The following UGT1A7 variants were observed in gnomAD, a reference collection of about 807,000 sequenced individuals.
UGT1A7 encodes the protein UDP-glucuronosyltransferase 1A7.
Under a neutral mutation model 45.6 loss-of-function variants are expected in UGT1A7, and 33 were observed. The ratio of observed to expected loss-of-function variants is 0.72; its 90% confidence interval spans 0.55 to 0.97. The LOEUF is 0.97. Among genes scored for constraint, UGT1A7 ranks in the 50% least tolerant of loss-of-function variants. The pLI is 0.00. For missense variants in UGT1A7, 684 were observed against 666.2 expected, an observed-to-expected ratio of 1.03 and a Z score of -0.29; for synonymous variants, 274 against 250.6, an observed-to-expected ratio of 1.09 and a Z score of -0.88.
chr2:233,745,155 C>G (rs1330223752), intron 1 of UGT1A7, among the ~76,000 whole-genome samples: 5 of 151,764 alleles, frequency 3.3e-5, no homozygotes, highest in Admixed American at 6.6e-5. Flanking sequence ...TATGGAGGGT[C>G]AAATGTGCAT....
chr2:233,705,347 A>G (rs1229673508), intron 1 of UGT1A7, among the ~76,000 whole-genome samples: 4 of 152,194 alleles, frequency 2.6e-5, no homozygotes, highest in African/African-American at 9.6e-5. Flanking sequence ...TTTTTGTCTT[A>G]TTACATGGGG....
In UGT1A7 at chr2:233,682,216, T is replaced by TG. The variant is rs1186341216; in HGVS notation, c.280dup (p.Ala94GlyfsTer25). 1.2e-6 allele frequency: 2 copies of TG among 1,614,148 alleles called. No homozygotes were observed. Among genetic ancestry groups the TG allele is most frequent in the African/African-American group, 2.7e-5 (2 of 74,958 alleles). ...ATCAGGACCGGGAGTTCATGGTTTT[T>TG]GCCGATGCTCGCTGGACGGCACCAT... On this transcript the variant is annotated frameshift_variant, in exon 1 of 5. Transcript: ENST00000373426. LOFTEE classifies it high-confidence loss of function.
intron 1 of UGT1A7, among the ~76,000 whole-genome samples, chr2:233,762,832 A>C (rs1698176538): frequency 6.6e-6 from 1 of 152,202 alleles, no homozygotes; most frequent in Admixed American, 6.5e-5. Flanking sequence ...CATAATAAAA[A>C]ATAATAGGCA....
chr2:233,734,419 T>C (rs2078523493), intron 1 of UGT1A7, among the ~76,000 whole-genome samples: 1 of 152,186 alleles, frequency 6.6e-6, no homozygotes, highest in African/African-American at 2.4e-5. Flanking sequence ...CTCTCTTTTC[T>C]TCTTTATTAG....
chr2:233,725,068 TCGCAGGCAC>T (rs1237971327), intron 1 of UGT1A7, among the ~76,000 whole-genome samples: 1 of 146,188 alleles, frequency 6.8e-6, no homozygotes, highest in South Asian at 2.4e-4. Context: ...GCGCCTGCAA[TCGCAGGCAC>T]TCGGCAGGCT....
intron 3 of UGT1A7, 134 bp from the exon 4 acceptor site, chr2:233,768,086 A>C (rs1699559906): frequency 6.3e-7 from 1 of 1,591,310 alleles, no homozygotes; most frequent in Non-Finnish European, 8.6e-7. Context: ...ATCTCAACCC[A>C]CATTTTCTTC....
chr2:233,681,963 T>C lies in UGT1A7; in HGVS notation c.26T>C (p.Leu9Pro). 1 of 1,614,084 alleles carries C rather than the reference T, an allele frequency of 6.2e-7. No homozygotes were observed. Among genetic ancestry groups the C allele is most frequent in the South Asian group, 1.1e-5 (1 of 91,072 alleles). The change falls in exon 1 of 5, where the codon CTC becomes CCC. Residue 9 changes from leucine (L) to proline (P), a missense_variant. Physicochemically the swap from Leu to Pro is moderately conservative, Grantham distance 98. Transcript: ENST00000373426. ...ATGGCTCGTGCAGGGTGGACTGGCCTCCTTCCCCTATATGTGTGTCTACTG... is the reference window on the plus strand; with the variant it reads ...ATGGCTCGTGCAGGGTGGACTGGCCCCCTTCCCCTATATGTGTGTCTACTG... Reference protein sequence around the residue: MARAGWTGLLPLYVCLLLT... With the variant: MARAGWTGPLPLYVCLLLT...
chr2:233,747,974 G>T lies in UGT1A7; in HGVS notation c.856-19060G>T, dbSNP rs1693825544. On this transcript the variant is annotated intron_variant, in intron 1 of 4. Coordinates refer to ENST00000373426, the MANE Select transcript of UGT1A7 (RefSeq NM_019077.3). ...TGGATCTTCTCAGCCATGCATCTGT[G>T]TGGCTGTTCCGAGGGGACTTTGTGA... 4 of 1,613,452 alleles carry T rather than the reference G, an allele frequency of 2.5e-6. No homozygotes were observed. The South Asian group carries it at 4.4e-5, about 18-fold the overall frequency.
At chr2:233,766,402 C>T (rs1334615620) in intron 1 of UGT1A7, among the ~76,000 whole-genome samples, 1 of 152,212 alleles carries the variant, frequency 6.6e-6, no homozygotes, top group African/African-American at 2.4e-5. Context: ...TTGCGTCCCT[C>T]CGCTGATGTG....
chr2:233,721,761 G>A, intron 1 of UGT1A7: 1 of 472,552 alleles, frequency 2.1e-6, no homozygotes. Flanking sequence ...CATCTAAATT[G>A]TTATATTTAG....
At chr2:233,748,084 G>T in intron 1 of UGT1A7, 7 of 1,613,070 alleles carry the variant, frequency 4.3e-6, no homozygotes, top group Non-Finnish European at 5.9e-6. Flanking sequence ...TCTCAGGTCG[G>T]TGTTCGTGCC....
intron 1 of UGT1A7, among the ~76,000 whole-genome samples, chr2:233,700,098 G>A (rs1027814620): frequency 1.3e-5 from 2 of 152,182 alleles, no homozygotes; most frequent in African/African-American, 4.8e-5. Context: ...TGGAGGTGTG[G>A]AGGGCAGCAA....
intron 1 of UGT1A7, among the ~76,000 whole-genome samples, chr2:233,744,706 AC>A (rs1231946729): frequency 1.3e-5 from 2 of 151,886 alleles, no homozygotes; most frequent in Non-Finnish European, 2.9e-5. Context: ...TCCACTGTAC[AC>A]TTGTGAGAGA....
chr2:233,768,512 T>C (rs1026092471), intron 4 of UGT1A7, 73 bp downstream of exon 4: 15 of 1,552,814 alleles, frequency 9.7e-6, no homozygotes, highest in South Asian at 4.8e-5. Context: ...ATGAAAACAT[T>C]TACGTAGCAT....
In UGT1A7 at chr2:233,704,013, C is replaced by T. The variant is rs540350992; in HGVS notation, c.855+21221C>T. ...TCAAGCAGTTCTCCCACCTCAGCCG[C>T]CCGAGCAGCTGGAACTACAGGTGTG... On this transcript the variant is annotated intron_variant, in intron 1 of 4. Coordinates refer to ENST00000373426, the MANE Select transcript of UGT1A7 (RefSeq NM_019077.3). Among the ~76,000 whole-genome samples the T allele has an allele frequency of 9.2e-5, 14 of 152,132 alleles. No individual in the cohort carries two copies. The East Asian group carries it at 2.7e-3, about 29-fold the overall frequency.
Position 233,750,543 on chromosome 2 carries a change from C to T in UGT1A7, c.856-16491C>T, listed in dbSNP as rs1193971718. On this transcript the variant is annotated intron_variant, in intron 1 of 4. Transcript: ENST00000373426. ...CAATGGGGAAAATGGCTTCAGTGCACATCAGAGACCTTTGCAGCAGACCCT... is the reference window on the plus strand; with the variant it reads ...CAATGGGGAAAATGGCTTCAGTGCATATCAGAGACCTTTGCAGCAGACCCT... 4 of 151,966 alleles carry T rather than the reference C, an allele frequency of 2.6e-5. 1 individual carries two copies. The highest frequency in any genetic ancestry group is 9.7e-5 in the African/African-American group (4 of 41,180). The allele number at this position is 151,966 out of a possible 1,614,324, so 9.4% of individuals were successfully genotyped here. A position where few individuals can be genotyped will look rare whatever the true frequency, so the allele number is the denominator to read the frequency against.
chr2:233,702,927 G>A (rs1248659699), intron 1 of UGT1A7, among the ~76,000 whole-genome samples: 1 of 152,130 alleles, frequency 6.6e-6, no homozygotes, highest in African/African-American at 2.4e-5. Flanking sequence ...TTCTTGCGGA[G>A]CCTTGGTCTG....
chr2:233,769,562 A>C lies in UGT1A7; in HGVS notation c.1295+1123A>C. The C allele has an allele frequency of 6.2e-7, 1 of 1,612,906 alleles. No homozygotes were observed. The highest frequency in any genetic ancestry group is 8.5e-7 in the Non-Finnish European group (1 of 1,179,830). ...GCAGCAGTCAGGAAGACAGATGTGA[A>C]GAGCTGGAGCATGTTCAGATGAGAG... On this transcript the variant is annotated intron_variant, in intron 4 of 4. Transcript: ENST00000373426. The surrounding 1 kb of genome is among the most constrained non-coding windows in gnomAD (Gnocchi z 4.4).
rs4148324 is a variant in UGT1A7 at position 233,764,076 on chromosome 2, T to G, written c.856-2958T>G. ...GAAATGCATTTGGGAAGGGAAAATC[T>G]AATTAAAAGCCTAAACTAAAAATAC... On this transcript the variant is annotated intron_variant, in intron 1 of 4. Transcript: ENST00000373426. Among the ~76,000 whole-genome samples, 54,742 of 151,994 alleles carry G rather than the reference T, an allele frequency of 0.36. 10,244 individuals carry two copies. Among genetic ancestry groups the G allele is most frequent in the African/African-American group, 0.44 (18,411 of 41,456 alleles).
Sources: gnomAD v4.1 joint callset for allele counts (sites outside exome capture counted in the v4.1 genomes callset) on GRCh38, gnomAD v4.1.1 for gene constraint, Gnocchi (gnomAD v3.1) non-coding constraint, MANE v1.5 for transcripts, NCBI Gene and HGNC (gene_info 2026-07-23, HGNC 2026-07-21) for gene names.